Variants in BBX observed in about 807,000 individuals in gnomAD.
BBX encodes HMG box transcription factor BBX.
BBX carries 30 observed loss-of-function variants against 100.2 expected under a neutral mutation model. That is an observed-to-expected ratio of 0.30 (90% CI 0.22 to 0.41). The LOEUF (loss-of-function observed/expected upper bound fraction) is 0.41, where lower values mean the gene tolerates loss of function less well. Ranked by LOEUF, BBX falls within the 10% of genes least tolerant of loss-of-function variation. BBX has a pLI of 1.00. For synonymous variants in BBX, 376 were observed against 388.1 expected (o/e 0.97, Z 0.37); for missense variants, 1,023 against 1,129.8 (o/e 0.91, Z 1.35).
intron 1 of BBX, among the ~76,000 whole-genome samples, chr3:107,525,071 G>C (rs1386739476): frequency 6.7e-6 from 1 of 149,712 alleles, no homozygotes; most frequent in Non-Finnish European, 1.5e-5. Context: ...CCCCCACGCG[G>C]CCCCCCGCCC....
intron 3 of BBX, among the ~76,000 whole-genome samples, chr3:107,701,154 C>T (rs1481447796): frequency 6.6e-6 from 1 of 152,080 alleles, no homozygotes; most frequent in Admixed American, 6.5e-5. Context: ...GAGATGGTAT[C>T]TCGTTGTGGT....
chr3:107,572,520 AGT>A (rs1177551812), intron 2 of BBX, among the ~76,000 whole-genome samples: 2 of 152,164 alleles, frequency 1.3e-5, no homozygotes, highest in African/African-American at 4.8e-5. Context: ...GTAAACTCTC[AGT>A]GTGTTTCCTT....
intron 2 of BBX, among the ~76,000 whole-genome samples, chr3:107,609,217 G>T (rs1049877661): frequency 1.3e-5 from 2 of 152,084 alleles, no homozygotes; most frequent in African/African-American, 4.8e-5. Context: ...AGCCATCCTT[G>T]CATCCCTGGG....
intron 3 of BBX, chr3:107,659,503 T>C (rs994321781): frequency 1.0e-4 from 21 of 208,338 alleles, no homozygotes; most frequent in Admixed American, 1.8e-4. Flanking sequence ...GTAACCCAAA[T>C]ACCTATCAAA....
chr3:107,802,746 C>T (rs2070645019), intron 17 of BBX, among the ~76,000 whole-genome samples: 1 of 152,198 alleles, frequency 6.6e-6, no homozygotes, highest in African/African-American at 2.4e-5. Context: ...AAAGCCACAG[C>T]AAACCTTTCC....
chr3:107,805,493 A>G lies in BBX; in HGVS notation c.*36A>G. The G allele has an allele frequency of 1.9e-6, 3 of 1,613,958 alleles. No homozygotes were observed. The highest frequency in any genetic ancestry group is 1.1e-5 in the South Asian group (1 of 91,070). On this transcript the variant is annotated 3_prime_UTR_variant, in exon 18 of 18. Coordinates refer to ENST00000325805, the MANE Select transcript of BBX (RefSeq NM_001142568.3). ...CATTGTAAAACATTGTGCTTTACCT[A>G]CTACCCTAGCCTTGTCTTTACCGAG...
intron 2 of BBX, among the ~76,000 whole-genome samples, chr3:107,583,760 C>T (rs1052321032): frequency 1.4e-5 from 2 of 144,182 alleles, no homozygotes. Flanking sequence ...TCATTATAGC[C>T]TGGTTTCTGA....
intron 3 of BBX, among the ~76,000 whole-genome samples, chr3:107,651,686 T>C (rs2057848102): frequency 6.6e-6 from 1 of 152,056 alleles, no homozygotes; most frequent in East Asian, 1.9e-4. Flanking sequence ...AAAAAGATTG[T>C]GTATTTGAAA....
chr3:107,602,054 TGGATGACA>T (rs946916306), intron 2 of BBX, among the ~76,000 whole-genome samples: 88 of 152,206 alleles, frequency 5.8e-4, no homozygotes, highest in African/African-American at 2.1e-3. Flanking sequence ...CAACCAAGCA[TGGATGACA>T]GTACATTTGT....
intron 2 of BBX, among the ~76,000 whole-genome samples, chr3:107,533,925 T>C (rs2048326359): frequency 6.6e-6 from 1 of 152,206 alleles, no homozygotes; most frequent in Non-Finnish European, 1.5e-5. Flanking sequence ...TTTGTAGAGG[T>C]TCTAGATACC....
chr3:107,560,690 A>G (rs1046099788), intron 2 of BBX, among the ~76,000 whole-genome samples: 4 of 152,228 alleles, frequency 2.6e-5, no homozygotes, highest in African/African-American at 9.6e-5. Context: ...TCCTAGGCCA[A>G]AAGTTTCTGG....
chr3:107,614,873 C>T lies in BBX; in HGVS notation c.-83-30963C>T, dbSNP rs913496303. 2.0e-5 allele frequency among the ~76,000 whole-genome samples: 3 copies of T among 152,030 alleles called. No individual in the cohort carries two copies. The South Asian group carries it at 6.2e-4, about 32-fold the overall frequency. On this transcript the variant is annotated intron_variant, in intron 2 of 17. Coordinates refer to ENST00000325805, the MANE Select transcript of BBX (RefSeq NM_001142568.3). ...GCCCTGCAGGGAGAATATCAGAATA[C>T]CTTGGAGAAACTAGAAAAATCTTAT...
At position 107,577,018 on chromosome 3, in the gene BBX, G is replaced by A. The variant is rs1046531779; in HGVS notation, c.-84+50620G>A. ...TGGGACTACAGGCGTGTGCCACCAT[G>A]CCCAGCTAATTTTTGTATTTTTAGT... On this transcript the variant is annotated intron_variant, in intron 2 of 17. Coordinates refer to ENST00000325805, the MANE Select transcript of BBX (RefSeq NM_001142568.3). 6.6e-5 allele frequency among the ~76,000 whole-genome samples: 10 copies of A among 152,152 alleles called. No homozygotes were observed. The East Asian group carries it at 1.9e-3, about 29-fold the overall frequency.
At chr3:107,539,928 T>G (rs934113780) in intron 2 of BBX, among the ~76,000 whole-genome samples, 36 of 152,270 alleles carry the variant, frequency 2.4e-4, no homozygotes, top group African/African-American at 8.7e-4. Context: ...CTCTAGCACC[T>G]AGGACATGGT....
At chr3:107,583,434 C>T (rs1348455184) in intron 2 of BBX, among the ~76,000 whole-genome samples, 2 of 151,888 alleles carry the variant, frequency 1.3e-5, no homozygotes, top group African/African-American at 4.8e-5. Flanking sequence ...TAGGAACAAA[C>T]TGAGTGACTG....
chr3:107,728,399 C>T (rs938168953), intron 5 of BBX, among the ~76,000 whole-genome samples: 5 of 152,108 alleles, frequency 3.3e-5, no homozygotes, highest in African/African-American at 1.2e-4. Flanking sequence ...TACTGTAGCC[C>T]TAAGTGGAAG....
intron 2 of BBX, among the ~76,000 whole-genome samples, chr3:107,607,457 T>C (rs1396920012): frequency 6.6e-6 from 1 of 152,200 alleles, no homozygotes; most frequent in African/African-American, 2.4e-5. Context: ...CATTCATCTG[T>C]TGATGGACAC....
intron 3 of BBX, among the ~76,000 whole-genome samples, chr3:107,693,614 G>C (rs1277272265): frequency 6.6e-6 from 1 of 151,810 alleles, no homozygotes; most frequent in East Asian, 1.9e-4. Context: ...TTGTAGTATA[G>C]TTTGAAGTCA....
intron 10 of BBX, among the ~76,000 whole-genome samples, chr3:107,766,160 A>G (rs984023646): frequency 3.3e-5 from 5 of 152,202 alleles, no homozygotes; most frequent in African/African-American, 1.2e-4. Flanking sequence ...TGGAAAAAGG[A>G]CCAAGGTCAA....
Sources: gnomAD v4.1 joint callset for allele counts (sites outside exome capture counted in the v4.1 genomes callset) on GRCh38, gnomAD v4.1.1 for gene constraint, MANE v1.5 for transcripts, NCBI Gene and HGNC (gene_info 2026-07-23, HGNC 2026-07-21) for gene names.